Variants in TSPEAR observed in about 807,000 individuals in gnomAD.
TSPEAR encodes the protein thrombospondin type laminin G domain and EAR repeats.
A neutral mutation model predicts 71.6 loss-of-function variants in TSPEAR; 69 were observed. The observed-to-expected ratio is 0.96, with a 90% CI of 0.79 to 1.18. The LOEUF (loss-of-function observed/expected upper bound fraction) is 1.18, where lower values mean the gene tolerates loss of function less well. TSPEAR is among the 50% of genes most tolerant of loss of function. The probability of loss-of-function intolerance (pLI) is 0.00; values close to 1 mark genes in which losing one functional copy is unlikely to be tolerated. For synonymous variants in TSPEAR, 402 were observed against 387.2 expected (o/e 1.04, Z -0.45); for missense variants, 971 against 894.9 (o/e 1.09, Z -1.09).
chr21:44,653,332 G>C (rs1984925995), intron 1 of TSPEAR, among the ~76,000 whole-genome samples: 1 of 152,126 alleles, frequency 6.6e-6, no homozygotes, highest in South Asian at 2.1e-4. Context: ...ATCTGCACGT[G>C]CTGACCTCCC....
rs367598471 is a variant in TSPEAR, at chr21:44,600,861, C to T, written c.83-32856G>A. 6.2e-4 allele frequency: 992 copies of T among 1,610,326 alleles called. 9 individuals are homozygous for T. In the South Asian group the frequency reaches 0.01, roughly 17 times the overall value. Reference sequence around the variant, plus strand: ...GTGAGCCCAGCCCCTGCCAATCAGGCTGCACCAGCTCCTGCACGCCCTCGT... The same window carrying T: ...GTGAGCCCAGCCCCTGCCAATCAGGTTGCACCAGCTCCTGCACGCCCTCGT... On this transcript the variant is annotated intron_variant, in intron 1 of 11. Coordinates refer to ENST00000323084, the MANE Select transcript of TSPEAR (RefSeq NM_144991.3).
intron 2 of TSPEAR, among the ~76,000 whole-genome samples, chr21:44,541,673 C>G (rs1316831270): frequency 6.6e-6 from 1 of 152,152 alleles, no homozygotes; most frequent in Non-Finnish European, 1.5e-5. Context: ...GAGTTCAGGA[C>G]CTGACAAGGT....
intron 1 of TSPEAR, among the ~76,000 whole-genome samples, chr21:44,665,638 C>T (rs2146272659): frequency 6.6e-6 from 1 of 152,182 alleles, no homozygotes; most frequent in Admixed American, 6.5e-5. Flanking sequence ...AGTGGCTGCC[C>T]CAAGAAGTTC....
intron 9 of TSPEAR, chr21:44,510,768 A>C (rs938570451): frequency 6.6e-6 from 1 of 152,344 alleles, no homozygotes; most frequent in Non-Finnish European, 1.5e-5. Flanking sequence ...GTCCCAAAGC[A>C]GATCCGCAGC....
At chr21:44,645,092 G>A (rs1276525093) in intron 1 of TSPEAR, among the ~76,000 whole-genome samples, 1 of 152,194 alleles carries the variant, frequency 6.6e-6, no homozygotes, top group Non-Finnish European at 1.5e-5. Context: ...TTATAAATGT[G>A]AGGATAAAGT....
chr21:44,646,998 C>G (rs782765379), intron 1 of TSPEAR: 1 of 1,613,788 alleles, frequency 6.2e-7, no homozygotes, highest in Non-Finnish European at 8.5e-7. Flanking sequence ...CTTGCTGCAC[C>G]TCCTCCTCCT....
At chr21:44,550,004 G>A (rs373160184) in intron 2 of TSPEAR, among the ~76,000 whole-genome samples, 2 of 152,358 alleles carry the variant, frequency 1.3e-5, no homozygotes, top group African/African-American at 2.4e-5. Context: ...GTCTCCCGCC[G>A]TGTCCCACCT....
intron 2 of TSPEAR, among the ~76,000 whole-genome samples, chr21:44,551,960 T>A (rs2053449124): frequency 6.6e-6 from 1 of 152,166 alleles, no homozygotes; most frequent in Non-Finnish European, 1.5e-5. Flanking sequence ...AGGACAGCGC[T>A]TCCTGGCGGG....
intron 1 of TSPEAR, among the ~76,000 whole-genome samples, chr21:44,606,519 G>A (rs8134976): frequency 0.13 from 19,855 of 152,110 alleles, 2,458 homozygotes; most frequent in African/African-American, 0.31. Flanking sequence ...TCCCACTTCT[G>A]GTTTTATATC....
chr21:44,676,121 G>A (rs73234830), intron 1 of TSPEAR: 37,237 of 899,706 alleles, frequency 0.041, 913 homozygotes, highest in Middle Eastern at 0.067. Flanking sequence ...TGCAGCTTCA[G>A]TTGCTGAGGC....
At chr21:44,627,758 T>A (rs190691192) in intron 1 of TSPEAR, 1 of 1,595,170 alleles carries the variant, frequency 6.3e-7, no homozygotes, top group Non-Finnish European at 8.6e-7. Context: ...TGCAAACCCA[T>A]CTGCTGTGTG....
At chr21:44,582,139 C>T (rs782705052) in intron 1 of TSPEAR, among the ~76,000 whole-genome samples, 4 of 152,314 alleles carry the variant, frequency 2.6e-5, no homozygotes, top group African/African-American at 4.8e-5. Context: ...GCTAGGATGA[C>T]GTCATATCAG....
chr21:44,647,156 C>T lies in TSPEAR; in HGVS notation c.82+64277G>A, dbSNP rs200212284. ...TGCTGCACCACCTCCTGCTGCAGAC[C>T]CTCCTCCTCTGTGTCCCTCCTCTGC... is the stretch of plus-strand genomic sequence containing the variant. On this transcript the variant is annotated intron_variant, in intron 1 of 11. Coordinates refer to ENST00000323084, the MANE Select transcript of TSPEAR (RefSeq NM_144991.3). 1.9e-6 allele frequency: 3 copies of T among 1,614,092 alleles called. No individual in the cohort carries two copies. The African/African-American group carries it at 4.0e-5, about 22-fold the overall frequency.
chr21:44,654,686 A>G, intron 1 of TSPEAR: 1 of 1,087,160 alleles, frequency 9.2e-7, no homozygotes, highest in Non-Finnish European at 1.3e-6. Flanking sequence ...GGTGGCCTTT[A>G]TACCCAGGCT....
chr21:44,652,079 G>A (rs1385913536), intron 1 of TSPEAR, among the ~76,000 whole-genome samples: 22 of 149,118 alleles, frequency 1.5e-4, no homozygotes, highest in African/African-American at 5.2e-4. Context: ...CGCCTCCCGC[G>A]TTCACACAAT....
chr21:44,512,320 G>C (rs2052410878), intron 9 of TSPEAR, among the ~76,000 whole-genome samples: 1 of 150,436 alleles, frequency 6.6e-6, no homozygotes, highest in Non-Finnish European at 1.5e-5. Context: ...TCAGGAGAGA[G>C]GTGAGCCAAG....
intron 1 of TSPEAR, chr21:44,702,213 G>T: frequency 2.5e-6 from 4 of 1,581,090 alleles, no homozygotes; most frequent in Non-Finnish European, 3.4e-6. Flanking sequence ...GAACAAAGGG[G>T]CCTCCCTGAG....
chr21:44,675,889 G>A (rs1986291388), intron 1 of TSPEAR: 2 of 728,718 alleles, frequency 2.7e-6, no homozygotes, highest in Non-Finnish European at 5.1e-6. Context: ...GTACTTGAGT[G>A]GTTCTTGTGC....
At chr21:44,678,518 C>G (rs1251790756) in intron 1 of TSPEAR, among the ~76,000 whole-genome samples, 1 of 152,060 alleles carries the variant, frequency 6.6e-6, no homozygotes, top group African/African-American at 2.4e-5. Flanking sequence ...GAACCATAAG[C>G]CAATTAAACC....
Sources: allele counts gnomAD v4.1 joint callset (sites outside exome capture counted in the v4.1 genomes callset), GRCh38; gene constraint gnomAD v4.1.1; transcripts MANE v1.5; gene names NCBI Gene and HGNC (gene_info 2026-07-23, HGNC 2026-07-21).